The following RAP1GDS1 variants were observed in gnomAD, a reference collection of about 807,000 sequenced individuals.
RAP1GDS1 encodes RAP1, GTP-GDP dissociation stimulator 1.
A neutral mutation model predicts 71.1 loss-of-function variants in RAP1GDS1; 35 were observed. The ratio of observed to expected loss-of-function variants is 0.49; its 90% CI spans 0.38 to 0.65. The LOEUF (loss-of-function observed/expected upper bound fraction) is 0.65. RAP1GDS1 is among the 30% of genes least tolerant of loss of function. RAP1GDS1 has a pLI of 0.00. For synonymous variants in RAP1GDS1, 229 were observed against 243.1 expected (o/e 0.94, Z 0.54); for missense variants, 663 against 706.1 (o/e 0.94, Z 0.69).
Position 98,343,197 on chromosome 4 carries a change from G to C in RAP1GDS1, c.171G>C (p.Leu57=). The C allele has an allele frequency of 6.2e-7, 1 of 1,605,678 alleles. No homozygotes were observed. Among genetic ancestry groups the C allele is most frequent in the Non-Finnish European group, 8.5e-7 (1 of 1,172,520 alleles). ...ASGILQLFAS[L]LTPQSSCKAK... ...GAATACTTCAGCTGTTTGCAAGTCT[G>C]TTGACTCCACAGTCTTCCTGCAAAG... The change falls in exon 3 of 15, where the codon CTG becomes CTC. Residue 57 remains leucine (L), a synonymous_variant. Coordinates refer to ENST00000408927, the MANE Select transcript of RAP1GDS1 (RefSeq NM_001100427.2).
At chr4:98,409,136 A>G (rs1746619174) in intron 7 of RAP1GDS1, among the ~76,000 whole-genome samples, 1 of 152,194 alleles carries the variant, frequency 6.6e-6, no homozygotes. Flanking sequence ...TCAGTTTTAT[A>G]GATCTTTTTT....
At chr4:98,432,972 A>G (rs1342442187) in intron 12 of RAP1GDS1, among the ~76,000 whole-genome samples, 1 of 152,028 alleles carries the variant, frequency 6.6e-6, no homozygotes, top group Non-Finnish European at 1.5e-5. Flanking sequence ...ACAAAAACCT[A>G]TGAGATATAT....
chr4:98,416,972 G>GAAAA, intron 8 of RAP1GDS1, 84 bp downstream of exon 8: 1 of 1,441,340 alleles, frequency 6.9e-7, no homozygotes, highest in Non-Finnish European at 9.5e-7. Context: ...TACTACCCTA[G>GAAAA]ACATTTTCTC....
intron 4 of RAP1GDS1, among the ~76,000 whole-genome samples, chr4:98,354,950 A>C (rs1737735043): frequency 6.6e-6 from 1 of 152,226 alleles, no homozygotes; most frequent in Admixed American, 6.5e-5. Flanking sequence ...TCATATGCAT[A>C]TAATTTCCAT....
intron 14 of RAP1GDS1, among the ~76,000 whole-genome samples, chr4:98,439,359 G>A (rs1258775205): frequency 3.9e-5 from 6 of 152,158 alleles, no homozygotes; most frequent in Non-Finnish European, 5.9e-5. Flanking sequence ...TTTGCGTTTA[G>A]TATTCAGAAG....
intron 7 of RAP1GDS1, chr4:98,409,782 A>C: frequency 2.3e-6 from 1 of 435,086 alleles, no homozygotes; most frequent in East Asian, 6.4e-5. Context: ...TTCAAGATAA[A>C]AGGCTTCTAG....
chr4:98,306,806 G>A (rs1257865333), intron 2 of RAP1GDS1, among the ~76,000 whole-genome samples: 2 of 152,140 alleles, frequency 1.3e-5, no homozygotes, highest in African/African-American at 4.8e-5. Flanking sequence ...AGTAGTGCTT[G>A]AAAGTCCAAG....
At chr4:98,340,457 AGGCATGGT>A (rs1735329271) in intron 2 of RAP1GDS1, among the ~76,000 whole-genome samples, 1 of 152,130 alleles carries the variant, frequency 6.6e-6, no homozygotes, top group Admixed American at 6.6e-5. Flanking sequence ...GGGAGCTGCC[AGGCATGGT>A]GGCTCACACC....
intron 1 of RAP1GDS1, among the ~76,000 whole-genome samples, chr4:98,264,441 C>T (rs1181700125): frequency 6.6e-6 from 1 of 152,028 alleles, no homozygotes; most frequent in Admixed American, 6.6e-5. Context: ...ATTTCCTACA[C>T]AAGAGAGTGA....
rs181862466 is a variant in RAP1GDS1, at chr4:98,295,858, C to T, written c.112+2343C>T. 8.2e-4 allele frequency among the ~76,000 whole-genome samples: 124 copies of T among 152,068 alleles called. 3 individuals are homozygous for T. Among genetic ancestry groups the T allele is most frequent in the Middle Eastern group, 3.4e-3 (1 of 294 alleles). Reference sequence around the variant, plus strand: ...TATTTTATAGGCATTTATTGATACACTTTATAAAGTCAGCATATGCCTTTT... The same window carrying T: ...TATTTTATAGGCATTTATTGATACATTTTATAAAGTCAGCATATGCCTTTT... On this transcript the variant is annotated intron_variant, in intron 2 of 14. Transcript: ENST00000408927.
chr4:98,363,985 C>T (rs965311130), intron 4 of RAP1GDS1, among the ~76,000 whole-genome samples: 4 of 151,924 alleles, frequency 2.6e-5, no homozygotes, highest in Admixed American at 2.6e-4. Context: ...GGCAATTTGC[C>T]GATGTAGGAA....
chr4:98,294,064 A>T (rs1055996129), intron 2 of RAP1GDS1, among the ~76,000 whole-genome samples: 1 of 152,130 alleles, frequency 6.6e-6, no homozygotes, highest in African/African-American at 2.4e-5. Context: ...TGATGTGATA[A>T]ATAATGCTAG....
At chr4:98,289,660 G>A (rs1726631515) in intron 1 of RAP1GDS1, among the ~76,000 whole-genome samples, 2 of 151,608 alleles carry the variant, frequency 1.3e-5, no homozygotes, top group African/African-American at 4.8e-5. Flanking sequence ...CACTTGACAT[G>A]CTAACAGAAA....
At chr4:98,348,072 C>T (rs1028716209) in intron 3 of RAP1GDS1, among the ~76,000 whole-genome samples, 8 of 152,106 alleles carry the variant, frequency 5.3e-5, no homozygotes, top group African/African-American at 1.9e-4. Context: ...CCCATTAACT[C>T]GTCATTTACA....
At chr4:98,401,903 A>G (rs1745466531) in intron 6 of RAP1GDS1, among the ~76,000 whole-genome samples, 1 of 152,124 alleles carries the variant, frequency 6.6e-6, no homozygotes, top group Admixed American at 6.5e-5. Flanking sequence ...ATAGAGTACC[A>G]ATACTATTAT....
In RAP1GDS1 at chr4:98,416,884, T is replaced by A. The variant is rs1748115232; in HGVS notation, c.903T>A (p.Leu301=). The A allele has an allele frequency of 6.2e-7, 1 of 1,610,674 alleles. No homozygotes were observed. Among genetic ancestry groups the A allele is most frequent in the Non-Finnish European group, 8.5e-7 (1 of 1,179,116 alleles). Residue 301 remains leucine, a synonymous_variant, in exon 8 of 15, where the codon CTT becomes CTA. Transcript: ENST00000408927. ...CAGATCTCATGGTTTTATTACTTCT[T>A]GGAGGTGAGTTGTAATTTATGCCAG... ...TGSDLMVLLL[L]GDESMQKLFE... is the part of the protein sequence containing the mutation.
chr4:98,427,137 A>G (rs1048091966), intron 12 of RAP1GDS1, among the ~76,000 whole-genome samples: 5 of 152,212 alleles, frequency 3.3e-5, no homozygotes, highest in Admixed American at 2.6e-4. Context: ...ATCTCAATAG[A>G]TGCAGAAAAA....
intron 11 of RAP1GDS1, among the ~76,000 whole-genome samples, chr4:98,420,478 G>A (rs1427973927): frequency 6.6e-6 from 1 of 151,942 alleles, no homozygotes; most frequent in East Asian, 1.9e-4. Flanking sequence ...CAATTTTCCT[G>A]CCTCAGCCTC....
intron 12 of RAP1GDS1, 62 bp downstream of exon 12, chr4:98,421,456 A>AT: frequency 6.9e-7 from 1 of 1,443,240 alleles, no homozygotes; most frequent in Non-Finnish European, 9.3e-7. Context: ...GAAACCCAGC[A>AT]TTGTAGGTCC....
Sources: gnomAD v4.1 joint callset for allele counts (sites outside exome capture counted in the v4.1 genomes callset) on GRCh38, gnomAD v4.1.1 for gene constraint, MANE v1.5 for transcripts, NCBI Gene and HGNC (gene_info 2026-07-23, HGNC 2026-07-21) for gene names.